The following ZNF507 variants were observed in gnomAD, a reference collection of about 807,000 sequenced individuals.
The protein encoded by ZNF507 is zinc finger protein 507.
ZNF507 carries 29 observed loss-of-function variants against 80.0 expected under a neutral mutation model. The ratio of observed to expected loss-of-function variants is 0.36; its 90% CI spans 0.27 to 0.49. ZNF507 has a LOEUF of 0.49. Ranked by LOEUF, ZNF507 falls within the 20% of genes least tolerant of loss-of-function variation. The pLI, the probability that ZNF507 is intolerant of heterozygous loss-of-function variation, is 0.98. For missense variants in ZNF507, 1,081 were observed against 1,152.2 expected (o/e 0.94, Z 0.90); for synonymous variants, 462 against 422.5 (o/e 1.09, Z -1.15).
chr19:32,367,217 C>T (rs1967410476), intron 5 of ZNF507, among the ~76,000 whole-genome samples: 1 of 152,078 alleles, frequency 6.6e-6, no homozygotes. Flanking sequence ...TCAGATCTTG[C>T]AGTAACAGAC....
rs371002168 is a variant in ZNF507 at position 32,382,769 on chromosome 19, G to A, written c.2548G>A (p.Ala850Thr). 6.8e-6 allele frequency: 11 copies of A among 1,613,982 alleles called. No homozygotes were observed. The highest frequency in any genetic ancestry group is 1.3e-5 in the African/African-American group (1 of 74,900). The change falls in exon 7 of 7, where the codon GCA (alanine) becomes ACA (threonine). Residue 850 changes from alanine (A) to threonine (T), a missense_variant. Ala to Thr is a moderately conservative substitution (Grantham distance 58). Transcript: ENST00000355898. Reference sequence around the variant, plus strand: ...TCAATTAAAGAGCAGTGAAGAGAGTGCAGATCCCGTCACTGGAAGTTCAGA... The same window carrying A: ...TCAATTAAAGAGCAGTGAAGAGAGTACAGATCCCGTCACTGGAAGTTCAGA... Reference protein sequence around the residue: ...KTQLKSSEESADPVTGSSENA... With the variant: ...KTQLKSSEESTDPVTGSSENA...
chr19:32,384,773 T>C lies in ZNF507; in HGVS notation c.*1690T>C, dbSNP rs1464927183. On this transcript the variant is annotated 3_prime_UTR_variant, in exon 7 of 7. Transcript: ENST00000355898. The stretch of plus-strand genomic sequence containing the variant: ...AAACAAACATAAATGATTGTAACTT[T>C]GCAGCTTTTTTATTTAGGTAGCTTT... The C allele has an allele frequency of 6.6e-6, 1 of 152,164 alleles. No homozygotes were observed. The highest frequency in any genetic ancestry group is 2.4e-5 in the African/African-American group (1 of 41,450). 9.4% of individuals were successfully genotyped at this position (152,164 alleles called of 1,614,324 possible). A position where few individuals can be genotyped will look rare whatever the true frequency, so the allele number is the denominator to read the frequency against.
At position 32,353,975 on chromosome 19, in the gene ZNF507, A is replaced by G; in HGVS notation, c.1145A>G (p.Gln382Arg). ...LIPDSLLTSA[Q>R]KIISSSPNKK... The stretch of plus-strand genomic sequence containing the variant: ...CCTGATAGCCTGCTTACATCAGCAC[A>G]GAAAATCATCAGCAGCAGCCCCAAT... Residue 382 changes from glutamine (Q) to arginine (R), a missense_variant, in exon 3 of 7, where the codon CAG becomes CGG. Coordinates refer to ENST00000355898, the MANE Select transcript of ZNF507 (RefSeq NM_001136156.2). The G allele has an allele frequency of 1.2e-6, 2 of 1,614,212 alleles. No individual in the cohort carries two copies. Among genetic ancestry groups the G allele is most frequent in the Admixed American group, 1.7e-5 (1 of 60,028 alleles).
intron 5 of ZNF507, among the ~76,000 whole-genome samples, chr19:32,367,492 G>T (rs929088118): frequency 6.6e-6 from 1 of 152,194 alleles, no homozygotes; most frequent in Non-Finnish European, 1.5e-5. Flanking sequence ...CTTTCTTAAT[G>T]ATGTCTTTTG....
intron 1 of ZNF507, among the ~76,000 whole-genome samples, chr19:32,346,937 A>T (rs1451298974): frequency 2.6e-5 from 4 of 152,368 alleles, no homozygotes; most frequent in African/African-American, 7.2e-5. Flanking sequence ...CATTCTCATT[A>T]GAAAATGTTG....
At chr19:32,362,143 C>T (rs1234402121) in intron 5 of ZNF507, among the ~76,000 whole-genome samples, 2 of 152,136 alleles carry the variant, frequency 1.3e-5, no homozygotes, top group Non-Finnish European at 2.9e-5. Context: ...CCACCTTGGC[C>T]TCCCAAAGTG....
rs1350137058 is a variant in ZNF507 at position 32,353,708 on chromosome 19, C to T, written c.878C>T (p.Ser293Phe). Residue 293 changes from serine (S) to phenylalanine (F), a missense_variant, in exon 3 of 7, where the codon TCT becomes TTT. Physicochemically the swap from Ser to Phe is radical, Grantham distance 155 (BLOSUM62 -2). Transcript: ENST00000355898. ...AATGAACCCCTAGGCCTGCTGGATT[C>T]TTCAGCAGCTGCTGCGCCTGGTGGG... is the stretch of plus-strand genomic sequence containing the variant. Reference protein sequence around the residue: ...NENEPLGLLDSSAAAAPGGVD... With the variant: ...NENEPLGLLDFSAAAAPGGVD... 2 of 1,614,218 alleles carry T rather than the reference C, an allele frequency of 1.2e-6. No homozygotes were observed. The highest frequency in any genetic ancestry group is 2.2e-5 in the East Asian group (1 of 44,886).
intron 2 of ZNF507, among the ~76,000 whole-genome samples, chr19:32,348,301 C>T (rs1299400154): frequency 7.0e-5 from 2 of 28,520 alleles, no homozygotes; most frequent in Non-Finnish European, 1.2e-4. Context: ...TTTTATAGCA[C>T]AATTTTTTTT....
At chr19:32,352,731 G>A (rs1176923540) in intron 2 of ZNF507, 98 bp from the exon 3 acceptor site, 3 of 1,057,560 alleles carry the variant, frequency 2.8e-6, no homozygotes, top group African/African-American at 3.2e-5. Context: ...ATACTTAGAT[G>A]AGATTACAGA....
At chr19:32,361,701 TTTCCTTCCTTCCTTTCCTTTCTTCCTTTC>T (rs1568305650) in intron 5 of ZNF507, among the ~76,000 whole-genome samples, 3 of 139,088 alleles carry the variant, frequency 2.2e-5, no homozygotes, top group Non-Finnish European at 3.2e-5. Flanking sequence ...CTTTCCTTCC[TTTCCTTCCTTCCTTTCCTTTCTTCCTTTC>T]CTTCCTTTCC....
In ZNF507 at chr19:32,354,103, G is replaced by C. The variant is rs1239473829; in HGVS notation, c.1273G>C (p.Asp425His). 6.2e-7 allele frequency: 1 copy of C among 1,613,724 alleles called. No homozygotes were observed. Among genetic ancestry groups the C allele is most frequent in the Non-Finnish European group, 8.5e-7 (1 of 1,180,014 alleles). Residue 425 changes from aspartate to histidine, a missense_variant, in exon 3 of 7, where the codon GAC becomes CAC. Around this residue, in one of 6 missense-constraint regions of ZNF507, gnomAD observed 614 missense variants for 583.9 expected, o/e 1.05. Transcript: ENST00000355898. Reference protein sequence around the residue: ...LMNTEMEEGKDLSLTEAQIGR... With the variant: ...LMNTEMEEGKHLSLTEAQIGR... The stretch of plus-strand genomic sequence containing the variant: ...GAACACTGAAATGGAAGAAGGGAAG[G>C]ACCTGAGCCTGACAGAAGCTCAGAT...
At chr19:32,364,533 T>G (rs372548715) in intron 5 of ZNF507, among the ~76,000 whole-genome samples, 1 of 152,206 alleles carries the variant, frequency 6.6e-6, no homozygotes, top group Non-Finnish European at 1.5e-5. Context: ...ATCATTCTTA[T>G]GCCTTTGCGT....
chr19:32,350,115 A>G (rs982180375), intron 2 of ZNF507, among the ~76,000 whole-genome samples: 2 of 152,066 alleles, frequency 1.3e-5, no homozygotes, highest in African/African-American at 2.4e-5. Flanking sequence ...TAGTGGTCTA[A>G]GTAACATTTT....
intron 5 of ZNF507, among the ~76,000 whole-genome samples, chr19:32,366,252 A>G (rs1021393562): frequency 5.3e-5 from 8 of 152,162 alleles, no homozygotes; most frequent in African/African-American, 1.9e-4. Flanking sequence ...GCCTCCTGAA[A>G]ATTGCATAAA....
chr19:32,351,812 A>T (rs996272110), intron 2 of ZNF507, among the ~76,000 whole-genome samples: 8 of 152,202 alleles, frequency 5.3e-5, no homozygotes, highest in Admixed American at 2.0e-4. Flanking sequence ...AAACTTAAAA[A>T]TGTGATCCAA....
At chr19:32,377,385 T>A (rs1967564600) in intron 5 of ZNF507, among the ~76,000 whole-genome samples, 1 of 152,160 alleles carries the variant, frequency 6.6e-6, no homozygotes. Context: ...TCCCTTCCGC[T>A]CCTATCTCTA....
At chr19:32,369,063 G>A (rs1247393643) in intron 5 of ZNF507, among the ~76,000 whole-genome samples, 1 of 152,228 alleles carries the variant, frequency 6.6e-6, no homozygotes, top group Admixed American at 6.5e-5. Flanking sequence ...TGGAGAGTCT[G>A]TAGAAAAATT....
intron 5 of ZNF507, among the ~76,000 whole-genome samples, chr19:32,365,096 C>A (rs562363037): frequency 6.6e-6 from 1 of 152,118 alleles, no homozygotes; most frequent in Non-Finnish European, 1.5e-5. Context: ...TTTCCCTGAT[C>A]GTTAATGATT....
intron 3 of ZNF507, among the ~76,000 whole-genome samples, chr19:32,356,062 A>T (rs1460520170): frequency 1.3e-5 from 2 of 152,136 alleles, no homozygotes; most frequent in Admixed American, 6.5e-5. Context: ...CTCAGATTAC[A>T]CTCATGAAAT....
Sources: gnomAD v4.1 joint callset for allele counts (sites outside exome capture counted in the v4.1 genomes callset) on GRCh38, gnomAD v4.1.1 for gene constraint, gnomAD v4.1.1 regional missense constraint, MANE v1.5 for transcripts, NCBI Gene and HGNC (gene_info 2026-07-23, HGNC 2026-07-21) for gene names.